ADAM22: variants seen among roughly 807,000 people sequenced by gnomAD.
The protein encoded by ADAM22 is disintegrin and metalloproteinase domain-containing protein 22.
In ADAM22, 65 loss-of-function variants were observed where a neutral mutation model predicts 144.6. That is an observed-to-expected ratio of 0.45 (90% CI 0.37 to 0.55). ADAM22 has a LOEUF of 0.55. Among genes scored for constraint, ADAM22 ranks in the 20% least tolerant of loss-of-function variants. The pLI is 0.00. For missense variants in ADAM22, 974 were observed against 1,184.9 expected (o/e 0.82, Z 2.61); for synonymous variants, 391 against 412.6 (o/e 0.95, Z 0.63).
intron 22 of ADAM22, among the ~76,000 whole-genome samples, chr7:88,161,196 A>AG (rs1432557686): frequency 6.6e-6 from 1 of 151,410 alleles, no homozygotes; most frequent in African/African-American, 2.4e-5. Context: ...ATATTTGGAA[A>AG]AAAAAAAAAA....
chr7:88,166,191 T>A (rs1336198791), intron 24 of ADAM22, among the ~76,000 whole-genome samples: 1 of 152,190 alleles, frequency 6.6e-6, no homozygotes, highest in African/African-American at 2.4e-5. Context: ...CTGAGATTTT[T>A]CTGAGGCTGT....
At chr7:88,150,290 G>T (rs528947662) in intron 18 of ADAM22, among the ~76,000 whole-genome samples, 2 of 152,272 alleles carry the variant, frequency 1.3e-5, no homozygotes, top group South Asian at 4.1e-4. Context: ...CTGTTGGCCA[G>T]TTTCCTCTCT....
intron 3 of ADAM22, 39 bp downstream of exon 3, chr7:87,978,451 T>C (rs1354027166): frequency 6.4e-7 from 1 of 1,552,246 alleles, no homozygotes; most frequent in East Asian, 2.2e-5. Context: ...CAGATACACA[T>C]TGAATCCACT....
At chr7:88,104,377 C>T (rs1194070662) in intron 4 of ADAM22, among the ~76,000 whole-genome samples, 1 of 151,980 alleles carries the variant, frequency 6.6e-6, no homozygotes. Context: ...CAAAATGTGT[C>T]AAAAATGCTT....
intron 4 of ADAM22, among the ~76,000 whole-genome samples, chr7:88,090,735 T>C (rs1220531541): frequency 2.0e-5 from 3 of 152,158 alleles, no homozygotes; most frequent in Non-Finnish European, 4.4e-5. Context: ...GTTCACCATA[T>C]GGTAATTTAA....
chr7:88,150,513 A>G (rs1838020807), intron 18 of ADAM22, among the ~76,000 whole-genome samples: 1 of 152,166 alleles, frequency 6.6e-6, no homozygotes, highest in African/African-American at 2.4e-5. Flanking sequence ...TATAAGGGCT[A>G]TGTTTCTTCT....
chr7:87,994,993 A>G lies in ADAM22; in HGVS notation c.323+16581A>G, dbSNP rs997974337. Among the ~76,000 whole-genome samples, 3 of 152,020 alleles carry G rather than the reference A, an allele frequency of 2.0e-5. No individual in the cohort carries two copies. The East Asian group carries it at 5.8e-4, about 29-fold the overall frequency. The stretch of plus-strand genomic sequence containing the variant: ...CAGGCGCCTGCCACCGCGCCTGGCT[A>G]ATTTTTTTTTGTATTTTTAGTAGAG... On this transcript the variant is annotated intron_variant, in intron 3 of 31. Transcript: ENST00000413139.
intron 30 of ADAM22, among the ~76,000 whole-genome samples, chr7:88,190,081 G>A (rs191911669): frequency 4.6e-5 from 7 of 152,342 alleles, no homozygotes; most frequent in Admixed American, 2.0e-4. Flanking sequence ...GTCCTTGGGT[G>A]CAGAACTGAA....
At chr7:88,150,913 AT>A (rs1317654096) in intron 18 of ADAM22, 67 bp from the exon 19 acceptor site, 8 of 1,320,560 alleles carry the variant, frequency 6.1e-6, no homozygotes, top group Non-Finnish European at 8.7e-6. Flanking sequence ...AAGTGAAAAC[AT>A]TAAAGGGTTT....
At chr7:87,966,731 T>TTTTG (rs1849183645) in intron 2 of ADAM22, among the ~76,000 whole-genome samples, 2 of 128,452 alleles carry the variant, frequency 1.6e-5, no homozygotes, top group Admixed American at 7.7e-5. Context: ...GTTTTTTTTT[T>TTTTG]TTTTTTTTTT....
At chr7:87,952,694 T>C (rs1845577805) in intron 2 of ADAM22, among the ~76,000 whole-genome samples, 1 of 152,106 alleles carries the variant, frequency 6.6e-6, no homozygotes, top group African/African-American at 2.4e-5. Context: ...TTTCTATTGA[T>C]TGGAATAGTT....
chr7:88,081,034 C>CA (rs1473596318), intron 4 of ADAM22, among the ~76,000 whole-genome samples: 1 of 151,892 alleles, frequency 6.6e-6, no homozygotes, highest in Admixed American at 6.6e-5. Context: ...CAGAGACACA[C>CA]AAAAAAAGAG....
intron 20 of ADAM22, 125 bp downstream of exon 20, chr7:88,151,445 G>T (rs1838360990): frequency 5.7e-6 from 6 of 1,050,700 alleles, no homozygotes; most frequent in Non-Finnish European, 8.6e-6. Flanking sequence ...GCTACCACAG[G>T]TCTTAGCAGG....
chr7:88,094,793 T>C (rs565967074), intron 4 of ADAM22, among the ~76,000 whole-genome samples: 155 of 152,286 alleles, frequency 1.0e-3, no homozygotes, highest in African/African-American at 3.5e-3. Flanking sequence ...ATAAACTTCT[T>C]GAATTGTGTT....
At chr7:87,945,378 A>G (rs1843442511) in intron 2 of ADAM22, among the ~76,000 whole-genome samples, 1 of 152,212 alleles carries the variant, frequency 6.6e-6, no homozygotes, top group Non-Finnish European at 1.5e-5. Context: ...GCTTACAAAT[A>G]GTTAGGAATG....
At chr7:88,045,817 T>C (rs945789985) in intron 3 of ADAM22, among the ~76,000 whole-genome samples, 1 of 151,972 alleles carries the variant, frequency 6.6e-6, no homozygotes, top group Non-Finnish European at 1.5e-5. Flanking sequence ...TCATTTATAA[T>C]GTCCTCCAGG....
intron 22 of ADAM22, among the ~76,000 whole-genome samples, chr7:88,162,181 C>A (rs1841881335): frequency 1.3e-5 from 2 of 150,950 alleles, no homozygotes; most frequent in Admixed American, 1.3e-4. Context: ...ATGTCCTTCA[C>A]AGGGACATGG....
At chr7:88,161,868 ATTAGT>A (rs1841740284) in intron 22 of ADAM22, among the ~76,000 whole-genome samples, 1 of 152,110 alleles carries the variant, frequency 6.6e-6, no homozygotes, top group Non-Finnish European at 1.5e-5. Context: ...GGGAGTGTAA[ATTAGT>A]TTAACCATTG....
At chr7:87,991,046 T>C (rs1016900445) in intron 3 of ADAM22, among the ~76,000 whole-genome samples, 23 of 152,204 alleles carry the variant, frequency 1.5e-4, no homozygotes, top group African/African-American at 5.3e-4. Context: ...ATTTCAATCA[T>C]TTTTCTTTGT....
Sources: gnomAD v4.1 joint callset for allele counts (sites outside exome capture counted in the v4.1 genomes callset) on GRCh38, gnomAD v4.1.1 for gene constraint, MANE v1.5 for transcripts, NCBI Gene and HGNC (gene_info 2026-07-23, HGNC 2026-07-21) for gene names.